GRID2: variants seen among roughly 807,000 people sequenced by gnomAD.
The protein encoded by GRID2 is glutamate ionotropic receptor delta type subunit 2.
A neutral mutation model predicts 114.8 loss-of-function variants in GRID2; 33 were observed. That is an observed-to-expected ratio of 0.29 (90% confidence interval 0.22 to 0.38). The LOEUF is 0.38. Among genes scored for constraint, GRID2 ranks in the 10% least tolerant of loss-of-function variants. The pLI, the probability that GRID2 is intolerant of heterozygous loss-of-function variation, is 1.00. For synonymous variants in GRID2, 505 were observed against 449.9 expected, an observed-to-expected ratio of 1.12 and a Z score of -1.55; for missense variants, 1,184 against 1,257.7, an observed-to-expected ratio of 0.94 and a Z score of 0.89.
At chr4:92,304,921 C>T (rs868083671) in intron 1 of GRID2, among the ~76,000 whole-genome samples, 177 bp downstream of exon 1, 3 of 152,142 alleles carry the variant, frequency 2.0e-5, no homozygotes, top group Non-Finnish European at 4.4e-5. Flanking sequence ...GATGTGGATG[C>T]TCGAACCTCG....
At chr4:92,396,814 T>A (rs566701641) in intron 1 of GRID2, among the ~76,000 whole-genome samples, 1 of 152,176 alleles carries the variant, frequency 6.6e-6, no homozygotes, top group African/African-American at 2.4e-5. Flanking sequence ...CTTCCAGTCC[T>A]GGATGAATTC....
chr4:93,632,276 T>C (rs1034192212), intron 14 of GRID2, among the ~76,000 whole-genome samples: 2 of 152,116 alleles, frequency 1.3e-5, no homozygotes, highest in Non-Finnish European at 2.9e-5. Context: ...GTGTTTTAGA[T>C]ATGAAGTCCT....
chr4:92,665,691 T>C (rs1356931653), intron 2 of GRID2, among the ~76,000 whole-genome samples: 1 of 151,034 alleles, frequency 6.6e-6, no homozygotes, highest in African/African-American at 2.4e-5. Context: ...TTTTACCACA[T>C]ATAGGATTCT....
At chr4:92,674,886 T>A (rs1373044222) in intron 2 of GRID2, among the ~76,000 whole-genome samples, 2 of 152,210 alleles carry the variant, frequency 1.3e-5, no homozygotes, top group Non-Finnish European at 2.9e-5. Context: ...TTTTATTGAT[T>A]TTTTTCCTAT....
At chr4:92,837,786 T>C (rs1178469151) in intron 2 of GRID2, among the ~76,000 whole-genome samples, 5 of 152,128 alleles carry the variant, frequency 3.3e-5, no homozygotes, top group Admixed American at 1.3e-4. Context: ...ACATATTTAA[T>C]TGCACGCAAA....
At chr4:92,822,608 G>A (rs930974666) in intron 2 of GRID2, 4 of 229,092 alleles carry the variant, frequency 1.7e-5, no homozygotes, top group African/African-American at 4.7e-5. Context: ...CACTCAACAC[G>A]TCCTTGGTAT....
intron 14 of GRID2, among the ~76,000 whole-genome samples, chr4:93,737,936 T>C (rs548803033): frequency 3.9e-5 from 6 of 152,278 alleles, no homozygotes; most frequent in African/African-American, 1.4e-4. Context: ...TCATCAATAA[T>C]TAGTTCATAT....
chr4:92,643,202 T>C (rs1006898160), intron 2 of GRID2, among the ~76,000 whole-genome samples: 1 of 151,798 alleles, frequency 6.6e-6, no homozygotes, highest in Admixed American at 6.6e-5. Flanking sequence ...CTGTGGCCAT[T>C]TCAATGATAT....
At chr4:93,458,409 T>G (rs1723407459) in intron 11 of GRID2, among the ~76,000 whole-genome samples, 1 of 152,216 alleles carries the variant, frequency 6.6e-6, no homozygotes, top group Non-Finnish European at 1.5e-5. Flanking sequence ...GTTGATGCGG[T>G]CTGTGGGCTA....
At position 92,697,502 on chromosome 4, in the gene GRID2, G is replaced by A. The variant is rs147500336; in HGVS notation, c.244+107216G>A. Among the ~76,000 whole-genome samples, 631 of 152,196 alleles carry A rather than the reference G, an allele frequency of 4.1e-3. 1 individual carries two copies. The highest frequency in any genetic ancestry group is 0.015 in the African/African-American group (608 of 41,550). On this transcript the variant is annotated intron_variant, in intron 2 of 15. Transcript: ENST00000282020. ...GTAGTTTGAATTTTACCCTTTAGGG[G>A]CCAGGGAAAATTAAGAAGAGATAAC...
chr4:93,034,341 A>G (rs2149261115), intron 2 of GRID2, among the ~76,000 whole-genome samples: 1 of 152,272 alleles, frequency 6.6e-6, no homozygotes, highest in African/African-American at 2.4e-5. Flanking sequence ...GTTTGTACAT[A>G]AACCTTGTAC....
Position 93,774,246 on chromosome 4 carries a change from T to C in GRID2, c.*1748T>C, listed in dbSNP as rs1274865419. The C allele has an allele frequency of 6.6e-6, 1 of 152,120 alleles. No individual in the cohort carries two copies. The highest frequency in any genetic ancestry group is 1.5e-5 in the Non-Finnish European group (1 of 67,984). The allele number at this position is 152,120 out of a possible 1,614,324, so 9.4% of individuals were successfully genotyped here. On this transcript the variant is annotated 3_prime_UTR_variant, in exon 16 of 16. Transcript: ENST00000282020. ...TTCTTATCATGCAAAAACCATTTTG[T>C]TTCCAGGGTAACAAGTAACTAAGTG...
chr4:92,348,985 T>G (rs1226028599), intron 1 of GRID2, among the ~76,000 whole-genome samples: 2 of 151,766 alleles, frequency 1.3e-5, no homozygotes, highest in African/African-American at 4.8e-5. Context: ...ATTGAACATG[T>G]GGGAAACTAC....
intron 2 of GRID2, among the ~76,000 whole-genome samples, chr4:92,962,739 C>A (rs1329017789): frequency 6.6e-6 from 1 of 151,924 alleles, no homozygotes; most frequent in Non-Finnish European, 1.5e-5. Context: ...TATGGGCACC[C>A]GCCTATGACT....
At chr4:93,683,021 A>T (rs1211666364) in intron 14 of GRID2, among the ~76,000 whole-genome samples, 1 of 152,054 alleles carries the variant, frequency 6.6e-6, no homozygotes, top group African/African-American at 2.4e-5. Flanking sequence ...GGGAAATATG[A>T]TTCAATATAT....
At chr4:93,224,804 A>G (rs759177123) in intron 7 of GRID2, 29 bp downstream of exon 7, 3 of 1,473,654 alleles carry the variant, frequency 2.0e-6, no homozygotes, top group Non-Finnish European at 2.8e-6. Flanking sequence ...TGTAAAAAGG[A>G]TATGGTAAAT....
intron 1 of GRID2, among the ~76,000 whole-genome samples, chr4:92,436,728 G>A (rs909559916): frequency 6.6e-6 from 1 of 151,924 alleles, no homozygotes; most frequent in Non-Finnish European, 1.5e-5. Flanking sequence ...ATATGTATTA[G>A]ACATATTAGA....
chr4:92,451,932 T>C (rs1720945721), intron 1 of GRID2, among the ~76,000 whole-genome samples: 1 of 152,108 alleles, frequency 6.6e-6, no homozygotes, highest in African/African-American at 2.4e-5. Flanking sequence ...AAATCCAGGA[T>C]TAGGCTGTCT....
At chr4:92,934,292 G>A (rs1750467878) in intron 2 of GRID2, among the ~76,000 whole-genome samples, 1 of 151,688 alleles carries the variant, frequency 6.6e-6, no homozygotes, top group African/African-American at 2.4e-5. Context: ...TCTCTTTGAA[G>A]CAATTGGGAA....
Sources: allele counts gnomAD v4.1 joint callset (sites outside exome capture counted in the v4.1 genomes callset), GRCh38; gene constraint gnomAD v4.1.1; transcripts MANE v1.5; gene names NCBI Gene and HGNC (gene_info 2026-07-23, HGNC 2026-07-21).